Variants in TPRG1 observed in about 807,000 individuals in gnomAD.
TPRG1 encodes tumor protein p63 regulated 1, also known as tumor protein p63-regulated gene 1 protein.
Under a neutral mutation model 29.3 loss-of-function variants are expected in TPRG1, and 29 were observed. The observed-to-expected ratio is 0.99, with a 90% confidence interval of 0.74 to 1.35. TPRG1 has a LOEUF of 1.35. TPRG1 is among the 40% of genes most tolerant of loss of function. The pLI, the probability that TPRG1 is intolerant of heterozygous loss-of-function variation, is 0.00. For synonymous variants in TPRG1, 130 were observed against 116.8 expected, an observed-to-expected ratio of 1.11 and a Z score of -0.73; for missense variants, 327 against 335.0, an observed-to-expected ratio of 0.98 and a Z score of 0.19.
rs1443165484 is a variant in TPRG1, at chr3:189,219,797, A to T, written c.302+4414A>T. On this transcript the variant is annotated intron_variant, in intron 3 of 5. Transcript: ENST00000345063. ...ATTCTTCTTATTCCTCATTGAGAGT[A>T]GTTGCCTAAGGTATTTAAAAACCGG... 2.7e-6 allele frequency: 3 copies of T among 1,093,128 alleles called. No homozygotes were observed. In the African/African-American group the frequency reaches 5.1e-5, roughly 19 times the overall value. The allele number at this position is 1,093,128 out of a possible 1,614,324, so 67.7% of individuals were successfully genotyped here.
chr3:189,053,127 A>G (rs904808493), intron 4 of TPRG1, among the ~76,000 whole-genome samples: 4 of 152,254 alleles, frequency 2.6e-5, no homozygotes, highest in African/African-American at 9.6e-5. Flanking sequence ...TTCATCAATT[A>G]TCTTAGCTAA....
intron 4 of TPRG1, among the ~76,000 whole-genome samples, chr3:189,083,737 TTATAAG>T (rs1208115764): frequency 3.9e-5 from 6 of 152,222 alleles, no homozygotes; most frequent in African/African-American, 9.6e-5. Flanking sequence ...AGAGATGGAA[TTATAAG>T]TATATGTTGC....
rs140469218 is a variant in TPRG1 at position 189,110,184 on chromosome 3, C to T, written c.-744+9980C>T. 2.3e-3 allele frequency among the ~76,000 whole-genome samples: 353 copies of T among 152,204 alleles called. 3 individuals carry two copies. The highest frequency in any genetic ancestry group is 4.2e-3 in the Admixed American group (64 of 15,282). ...ATATGTTTAACTTGGTAAGATTCTG[C>T]CAAATAGATTTTCAAGGTGGCTGTA... On this transcript the variant is annotated intron_variant, in intron 1 of 6. Coordinates refer to the TPRG1 transcript ENST00000412373.
intron 4 of TPRG1, among the ~76,000 whole-genome samples, chr3:189,068,431 T>C (rs1560424826): frequency 6.6e-6 from 1 of 152,008 alleles, no homozygotes; most frequent in African/African-American, 2.4e-5. Context: ...ATGAATGGAT[T>C]AAAAAAAGAT....
intron 4 of TPRG1, among the ~76,000 whole-genome samples, chr3:189,066,316 A>C (rs1396947196): frequency 6.6e-6 from 1 of 152,112 alleles, no homozygotes; most frequent in Non-Finnish European, 1.5e-5. Context: ...AAACTCATTC[A>C]ACAAGGCCAG....
rs188460310 is a variant in TPRG1, at chr3:189,037,585, G to A, written c.-463+13639G>A. The stretch of plus-strand genomic sequence containing the variant: ...ATATTAGACAAGAAAACATTATGTC[G>A]CCACTACTAGTTAACCTAGTACTAG... On this transcript the variant is annotated intron_variant, in intron 4 of 10. Coordinates refer to the TPRG1 transcript ENST00000433971. Among the ~76,000 whole-genome samples the A allele has an allele frequency of 5.4e-3, 820 of 151,668 alleles. 10 individuals are homozygous for A. The highest frequency in any genetic ancestry group is 0.019 in the African/African-American group (794 of 41,420).
At chr3:189,018,452 C>T (rs1100313) in intron 3 of TPRG1, among the ~76,000 whole-genome samples, 111,507 of 124,038 alleles carry the variant, frequency 0.9, 51,340 homozygotes, top group Non-Finnish European at 1. Context: ...TACATATGGC[C>T]AGCCAGTTTT....
chr3:189,027,483 C>T (rs776350605), intron 4 of TPRG1, among the ~76,000 whole-genome samples: 1 of 152,208 alleles, frequency 6.6e-6, no homozygotes, highest in Non-Finnish European at 1.5e-5. Flanking sequence ...TGAACCAAAA[C>T]ACCATAAAGT....
intron 1 of TPRG1, among the ~76,000 whole-genome samples, chr3:189,200,847 A>C (rs758854850): frequency 6.6e-6 from 1 of 152,228 alleles, no homozygotes; most frequent in Non-Finnish European, 1.5e-5. Flanking sequence ...TGTCTTCTTC[A>C]AGATTTATAT....
chr3:189,227,591 A>T (rs1318411719), intron 3 of TPRG1, among the ~76,000 whole-genome samples: 1 of 152,188 alleles, frequency 6.6e-6, no homozygotes, highest in Non-Finnish European at 1.5e-5. Context: ...TGCTGTTTTG[A>T]TACAAGTTGT....
intron 1 of TPRG1, among the ~76,000 whole-genome samples, chr3:189,193,940 T>C (rs1732128423): frequency 6.8e-6 from 1 of 147,002 alleles, no homozygotes; most frequent in South Asian, 2.3e-4. Flanking sequence ...GGCTACTAGA[T>C]AATTATTATA....
At chr3:189,075,058 A>G (rs570586576) in intron 4 of TPRG1, among the ~76,000 whole-genome samples, 2 of 151,958 alleles carry the variant, frequency 1.3e-5, no homozygotes, top group Non-Finnish European at 2.9e-5. Context: ...TGATCCACCT[A>G]CCTCGGCCTC....
chr3:189,298,624 T>A (rs1720330106), intron 4 of TPRG1, among the ~76,000 whole-genome samples: 1 of 152,200 alleles, frequency 6.6e-6, no homozygotes, highest in African/African-American at 2.4e-5. Flanking sequence ...ATACTCACTT[T>A]GGCAGGGAAG....
chr3:189,235,163 G>A (rs1309201025), intron 3 of TPRG1, among the ~76,000 whole-genome samples: 3 of 151,224 alleles, frequency 2.0e-5, no homozygotes, highest in African/African-American at 4.9e-5. Context: ...TCTCAGAAAA[G>A]CAAGAACTGT....
chr3:189,195,543 A>G (rs1039939854), intron 1 of TPRG1, among the ~76,000 whole-genome samples: 1 of 152,198 alleles, frequency 6.6e-6, no homozygotes, highest in Non-Finnish European at 1.5e-5. Context: ...CACTCTAGCC[A>G]TAGTTCTAAT....
At chr3:189,033,818 C>T (rs1578217995) in intron 4 of TPRG1, among the ~76,000 whole-genome samples, 1 of 151,878 alleles carries the variant, frequency 6.6e-6, no homozygotes, top group East Asian at 1.9e-4. Context: ...CCTCGTGATC[C>T]ACCTGCCTCG....
At chr3:189,022,622 C>T (rs1169859335) in intron 3 of TPRG1, among the ~76,000 whole-genome samples, 3 of 152,134 alleles carry the variant, frequency 2.0e-5, no homozygotes, top group African/African-American at 7.2e-5. Context: ...GGGAGAACTA[C>T]TGCTCTCTTC....
At chr3:189,122,553 T>C (rs1430681343) in intron 1 of TPRG1, among the ~76,000 whole-genome samples, 1 of 152,138 alleles carries the variant, frequency 6.6e-6, no homozygotes, top group Non-Finnish European at 1.5e-5. Context: ...ATTAAAGGAG[T>C]CTTTGTTGAC....
At chr3:189,036,657 C>A (rs1198550368) in intron 4 of TPRG1, among the ~76,000 whole-genome samples, 2 of 151,810 alleles carry the variant, frequency 1.3e-5, no homozygotes, top group South Asian at 4.2e-4. Flanking sequence ...TGACAACAGA[C>A]AAATAAGTTT....
Sources: gnomAD v4.1 joint callset for allele counts (sites outside exome capture counted in the v4.1 genomes callset) on GRCh38, gnomAD v4.1.1 for gene constraint, MANE v1.5 for transcripts, NCBI Gene and HGNC (gene_info 2026-07-23, HGNC 2026-07-21) for gene names.